ASTN1: variants seen among roughly 807,000 people sequenced by gnomAD.
ASTN1 encodes the protein astrotactin 1, also known as astrotactin-1.
Under a neutral mutation model 140.7 loss-of-function variants are expected in ASTN1, and 41 were observed. The ratio of observed to expected loss-of-function variants is 0.29; its 90% confidence interval spans 0.23 to 0.38. The LOEUF is 0.38. Among genes scored for constraint, ASTN1 ranks in the 10% least tolerant of loss-of-function variants. ASTN1 has a pLI of 1.00. For missense variants in ASTN1, 1,479 were observed against 1,678.8 expected, an observed-to-expected ratio of 0.88 and a Z score of 2.08; for synonymous variants, 640 against 652.2, an observed-to-expected ratio of 0.98 and a Z score of 0.29.
chr1:177,042,293 A>G (rs1031078529), intron 2 of ASTN1, among the ~76,000 whole-genome samples: 11 of 152,346 alleles, frequency 7.2e-5, no homozygotes, highest in Admixed American at 2.0e-4. Flanking sequence ...GACAGGATCC[A>G]GTCAAGTATT....
chr1:177,070,529 T>C (rs1199446319), intron 1 of ASTN1, among the ~76,000 whole-genome samples: 1 of 152,168 alleles, frequency 6.6e-6, no homozygotes, highest in African/African-American at 2.4e-5. Context: ...TAATTAGTTC[T>C]CATCCACTTG....
intron 1 of ASTN1, among the ~76,000 whole-genome samples, chr1:177,130,798 T>A (rs1323770599): frequency 1.3e-5 from 2 of 152,214 alleles, no homozygotes; most frequent in African/African-American, 2.4e-5. Flanking sequence ...TTAAAGTGTT[T>A]GACACTAAGT....
chr1:176,948,302 GA>G (rs992320579), intron 12 of ASTN1, among the ~76,000 whole-genome samples: 3 of 142,186 alleles, frequency 2.1e-5, no homozygotes, highest in Non-Finnish European at 4.6e-5. Context: ...AGGGGAGGGA[GA>G]GGGGGGAGAA....
At chr1:177,121,097 T>G (rs201788892) in intron 1 of ASTN1, among the ~76,000 whole-genome samples, 1 of 152,044 alleles carries the variant, frequency 6.6e-6, no homozygotes. Flanking sequence ...TATATATATA[T>G]ACATGCACTA....
chr1:176,985,488 C>T (rs1673848742), intron 8 of ASTN1, among the ~76,000 whole-genome samples: 1 of 152,162 alleles, frequency 6.6e-6, no homozygotes, highest in Admixed American at 6.6e-5. Flanking sequence ...AAAAATGGAG[C>T]CAATCAAACA....
rs142280683 is a variant in ASTN1 at position 177,046,862 on chromosome 1, A to G, written c.472-14013T>C. Among the ~76,000 whole-genome samples the G allele has an allele frequency of 1.5e-4, 23 of 152,296 alleles. No homozygotes were observed. The East Asian group carries it at 4.3e-3, about 28-fold the overall frequency. On this transcript the variant is annotated intron_variant, in intron 2 of 22. Transcript: ENST00000361833. ...AAGAGAACATTTTGCTGAAGATCTT[A>G]CAGGACAGAGGGGAAAGTGCGCTGA...
At chr1:176,946,783 C>T (rs1311482184) in intron 12 of ASTN1, among the ~76,000 whole-genome samples, 1 of 152,210 alleles carries the variant, frequency 6.6e-6, no homozygotes, top group Admixed American at 6.5e-5. Context: ...GCTTCCTTGG[C>T]ATCCTCCTCA....
chr1:177,139,972 T>C lies in ASTN1; in HGVS notation c.283+24422A>G, dbSNP rs115284419. Reference sequence around the variant, plus strand: ...TTTGGCATAAAAAGAAGAAAATCTATTTGCAAATAGGCCAAAGCTCACTAA... The same window carrying C: ...TTTGGCATAAAAAGAAGAAAATCTACTTGCAAATAGGCCAAAGCTCACTAA... On this transcript the variant is annotated intron_variant, in intron 1 of 22. Coordinates refer to ENST00000361833, the MANE Select transcript of ASTN1 (RefSeq NM_004319.3). Among the ~76,000 whole-genome samples the C allele has an allele frequency of 3.3e-3, 499 of 152,274 alleles. 3 individuals are homozygous for C. Among genetic ancestry groups the C allele is most frequent in the African/African-American group, 0.011 (476 of 41,542 alleles).
At chr1:176,991,911 A>C (rs1674196016) in intron 8 of ASTN1, among the ~76,000 whole-genome samples, 1 of 152,230 alleles carries the variant, frequency 6.6e-6, no homozygotes, top group Non-Finnish European at 1.5e-5. Context: ...ATAGTATTCA[A>C]AGTGACTCAC....
intron 1 of ASTN1, among the ~76,000 whole-genome samples, chr1:177,066,571 A>T (rs1346187236): frequency 6.6e-6 from 1 of 152,156 alleles, no homozygotes; most frequent in Non-Finnish European, 1.5e-5. Context: ...TCCCTATACC[A>T]TCCAAGTGCC....
In ASTN1 at chr1:177,032,810, C is replaced by A. The variant is rs1485774983; in HGVS notation, c.511G>T (p.Val171Leu). The A allele has an allele frequency of 1.9e-6, 3 of 1,611,056 alleles. No homozygotes were observed. In the East Asian group the frequency reaches 6.7e-5, roughly 36 times the overall value. ...IALLLSILCL[V>L]MILYTRRRWC... ...CGCCGGCGAGTATACAGGATCATCACCAGGCACAAGATGGACAGCAGCAGA... is the reference window on the plus strand; with the variant it reads ...CGCCGGCGAGTATACAGGATCATCAACAGGCACAAGATGGACAGCAGCAGA... The change falls in exon 3 of 23, where the codon GTG becomes TTG. Residue 171 changes from valine to leucine, a missense_variant. Physicochemically the swap from Val to Leu is conservative, Grantham distance 32 (BLOSUM62 1). Around this residue, in one of 3 missense-constraint regions of ASTN1, gnomAD observed 729 missense variants for 860.4 expected, o/e 0.85. Transcript: ENST00000361833.
At chr1:176,873,870 C>T (rs1668455637) in intron 21 of ASTN1, among the ~76,000 whole-genome samples, 1 of 152,166 alleles carries the variant, frequency 6.6e-6, no homozygotes, top group Non-Finnish European at 1.5e-5. Context: ...TTGATGTACT[C>T]TGGAGGGCTT....
intron 2 of ASTN1, 21 bp downstream of exon 2, chr1:177,061,057 C>A: frequency 6.5e-7 from 1 of 1,546,100 alleles, no homozygotes; most frequent in Non-Finnish European, 8.7e-7. Flanking sequence ...GCCTGAGAGG[C>A]TAAGGCTGTT....
At chr1:176,968,471 A>C (rs1230247739) in intron 8 of ASTN1, among the ~76,000 whole-genome samples, 1 of 151,824 alleles carries the variant, frequency 6.6e-6, no homozygotes, top group Non-Finnish European at 1.5e-5. Context: ...CCGACACCCC[A>C]CCTCCCACCT....
intron 1 of ASTN1, among the ~76,000 whole-genome samples, chr1:177,081,469 C>T (rs953124558): frequency 2.6e-5 from 4 of 152,088 alleles, no homozygotes; most frequent in South Asian, 2.1e-4. Context: ...GTGTAAAACA[C>T]TCTTATAAAA....
intron 12 of ASTN1, among the ~76,000 whole-genome samples, chr1:176,948,758 C>T (rs1324699599): frequency 6.6e-6 from 1 of 150,562 alleles, no homozygotes; most frequent in African/African-American, 2.5e-5. Context: ...TCCATTTGTC[C>T]AAAGACCACC....
At chr1:177,038,594 TCTC>T (rs1282341863) in intron 2 of ASTN1, among the ~76,000 whole-genome samples, 3 of 152,138 alleles carry the variant, frequency 2.0e-5, no homozygotes, top group Non-Finnish European at 4.4e-5. Context: ...ATGGTCATCT[TCTC>T]TGTGCCTACA....
At chr1:177,130,852 T>C (rs1307781227) in intron 1 of ASTN1, among the ~76,000 whole-genome samples, 1 of 152,222 alleles carries the variant, frequency 6.6e-6, no homozygotes, top group Non-Finnish European at 1.5e-5. Flanking sequence ...GCATGCAGCA[T>C]TCTCTCTGAG....
chr1:177,148,767 C>T (rs1047372534), intron 1 of ASTN1, among the ~76,000 whole-genome samples: 2 of 151,512 alleles, frequency 1.3e-5, no homozygotes, highest in Admixed American at 6.6e-5. Flanking sequence ...AACTGAAGGC[C>T]ACTGAGATGA....
Sources: allele counts gnomAD v4.1 joint callset (sites outside exome capture counted in the v4.1 genomes callset), GRCh38; gene constraint gnomAD v4.1.1; regional missense constraint gnomAD v4.1.1; transcripts MANE v1.5; gene names NCBI Gene and HGNC (gene_info 2026-07-23, HGNC 2026-07-21).